Variants in EPHA6 observed in about 807,000 individuals in gnomAD.
EPHA6 encodes the protein ephrin type-A receptor 6.
In EPHA6, 50 loss-of-function variants were observed where a neutral mutation model predicts 112.0. The ratio of observed to expected loss-of-function variants is 0.45; its 90% CI spans 0.36 to 0.56. EPHA6 has a LOEUF of 0.56. Among genes scored for constraint, EPHA6 ranks in the 20% least tolerant of loss-of-function variants. The pLI is 0.00. For synonymous variants in EPHA6, 529 were observed against 490.7 expected, an observed-to-expected ratio of 1.08 and a Z score of -1.03; for missense variants, 1,280 against 1,417.4, an observed-to-expected ratio of 0.90 and a Z score of 1.56.
intron 10 of EPHA6, among the ~76,000 whole-genome samples, chr3:97,524,456 A>T (rs1316824671): frequency 6.6e-6 from 1 of 152,124 alleles, no homozygotes; most frequent in African/African-American, 2.4e-5. Context: ...GTTTATAGCT[A>T]TAATTGTTTA....
intron 14 of EPHA6, among the ~76,000 whole-genome samples, chr3:97,712,045 A>G (rs1036912813): frequency 6.6e-6 from 1 of 152,234 alleles, no homozygotes; most frequent in African/African-American, 2.4e-5. Flanking sequence ...TTATATTTTC[A>G]TTAAAAATTT....
chr3:96,962,323 C>T (rs2041973999), intron 2 of EPHA6, among the ~76,000 whole-genome samples: 1 of 151,766 alleles, frequency 6.6e-6, no homozygotes, highest in South Asian at 2.1e-4. Context: ...ACCTGATATT[C>T]TCTAAAGCAG....
chr3:97,584,877 C>G (rs953008371), intron 11 of EPHA6, among the ~76,000 whole-genome samples: 11 of 152,176 alleles, frequency 7.2e-5, no homozygotes, highest in Non-Finnish European at 1.0e-4. Flanking sequence ...ATTAGCTCCA[C>G]TTTTCAAATG....
At chr3:97,481,512 C>A in intron 9 of EPHA6, 1 of 1,007,384 alleles carries the variant, frequency 9.9e-7, no homozygotes, top group East Asian at 2.7e-5. Flanking sequence ...CTTCCTCCGG[C>A]GCGGGGCTAA....
intron 14 of EPHA6, among the ~76,000 whole-genome samples, chr3:97,672,354 G>T (rs1427439634): frequency 6.6e-6 from 1 of 152,062 alleles, no homozygotes; most frequent in Non-Finnish European, 1.5e-5. Flanking sequence ...GAAGTGTTTT[G>T]TTATGACCAG....
chr3:97,618,407 G>A (rs765423148), intron 13 of EPHA6, among the ~76,000 whole-genome samples: 3 of 151,898 alleles, frequency 2.0e-5, no homozygotes, highest in South Asian at 2.1e-4. Context: ...AGCTAGCAGA[G>A]GATGAGAAAT....
At chr3:97,432,759 G>C (rs950008412) in intron 6 of EPHA6, among the ~76,000 whole-genome samples, 47 of 152,258 alleles carry the variant, frequency 3.1e-4, no homozygotes, top group African/African-American at 1.1e-3. Flanking sequence ...GGTGGGAAGA[G>C]AGAGAAGAGC....
intron 1 of EPHA6, among the ~76,000 whole-genome samples, chr3:96,819,516 A>G (rs1345840728): frequency 6.6e-6 from 1 of 152,042 alleles, no homozygotes; most frequent in Non-Finnish European, 1.5e-5. Flanking sequence ...GAAAGAATAG[A>G]TCCCACTTCA....
intron 4 of EPHA6, among the ~76,000 whole-genome samples, chr3:97,229,339 T>G (rs2078454328): frequency 6.6e-6 from 1 of 152,196 alleles, no homozygotes; most frequent in South Asian, 2.1e-4. Flanking sequence ...TCTAGAATTT[T>G]TATGGTTTCA....
chr3:97,256,901 T>G (rs1206431228), intron 5 of EPHA6, among the ~76,000 whole-genome samples: 1 of 152,042 alleles, frequency 6.6e-6, no homozygotes, highest in Non-Finnish European at 1.5e-5. Flanking sequence ...AATGCATATT[T>G]AATCAAAATC....
At chr3:97,258,897 A>G (rs1280657886) in intron 5 of EPHA6, among the ~76,000 whole-genome samples, 1 of 152,098 alleles carries the variant, frequency 6.6e-6, no homozygotes, top group Non-Finnish European at 1.5e-5. Context: ...TCTAAAGACT[A>G]ACAGAAATAA....
chr3:97,018,007 T>C (rs2044323321), intron 3 of EPHA6, among the ~76,000 whole-genome samples: 1 of 151,560 alleles, frequency 6.6e-6, no homozygotes, highest in Admixed American at 6.6e-5. Context: ...CTCCTCTATG[T>C]ATTTTCACAT....
At chr3:97,030,650 C>G (rs1386612669) in intron 3 of EPHA6, among the ~76,000 whole-genome samples, 2 of 151,534 alleles carry the variant, frequency 1.3e-5, no homozygotes, top group African/African-American at 4.9e-5. Context: ...TAATTATTAC[C>G]TCATAAATTA....
intron 14 of EPHA6, among the ~76,000 whole-genome samples, chr3:97,641,823 A>G (rs2094008394): frequency 6.6e-6 from 1 of 152,182 alleles, no homozygotes; most frequent in African/African-American, 2.4e-5. Context: ...CTAGCACAGC[A>G]GTCTGAGATC....
intron 13 of EPHA6, among the ~76,000 whole-genome samples, chr3:97,621,391 C>A (rs1425593296): frequency 6.6e-6 from 1 of 151,952 alleles, no homozygotes; most frequent in African/African-American, 2.4e-5. Flanking sequence ...GAAATCTGCA[C>A]ATCCTGCACA....
intron 2 of EPHA6, among the ~76,000 whole-genome samples, chr3:96,883,783 T>G (rs1401214789): frequency 1.3e-5 from 2 of 152,240 alleles, no homozygotes; most frequent in East Asian, 3.9e-4. Context: ...TCTCCCTGCC[T>G]CAGCCTCCCA....
At chr3:97,602,838 A>T in intron 12 of EPHA6, among the ~76,000 whole-genome samples, 1 of 152,012 alleles carries the variant, frequency 6.6e-6, no homozygotes, top group Non-Finnish European at 1.5e-5. Flanking sequence ...GCATATAATT[A>T]TTTATTTGAC....
At chr3:97,194,208 A>G (rs1304721395) in intron 3 of EPHA6, among the ~76,000 whole-genome samples, 8 of 151,810 alleles carry the variant, frequency 5.3e-5, no homozygotes, top group Non-Finnish European at 1.2e-4. Flanking sequence ...GCTTATTGCT[A>G]TCAATCTCTA....
intron 5 of EPHA6, among the ~76,000 whole-genome samples, chr3:97,376,263 C>T (rs1167202316): frequency 1.3e-5 from 2 of 152,070 alleles, no homozygotes; most frequent in East Asian, 3.9e-4. Context: ...TTCCAATTTT[C>T]CCTGCAAACA....
Sources: allele counts gnomAD v4.1 joint callset (sites outside exome capture counted in the v4.1 genomes callset), GRCh38; gene constraint gnomAD v4.1.1; transcripts MANE v1.5; gene names NCBI Gene and HGNC (gene_info 2026-07-23, HGNC 2026-07-21).